Variants in CFAP74 observed in about 807,000 individuals in gnomAD.
CFAP74 encodes cilia and flagella associated protein 74.
CFAP74 carries 124 observed loss-of-function variants against 188.9 expected under a neutral mutation model. The ratio of observed to expected loss-of-function variants is 0.66; its 90% CI spans 0.57 to 0.76. CFAP74 has a LOEUF of 0.76. Among genes scored for constraint, CFAP74 ranks in the 30% least tolerant of loss-of-function variants. CFAP74 has a pLI of 0.00. For synonymous variants in CFAP74, 956 were observed against 916.7 expected, an observed-to-expected ratio of 1.04 and a Z score of -0.77; for missense variants, 2,198 against 2,165.2, an observed-to-expected ratio of 1.02 and a Z score of -0.30.
At chr1:1,947,097 G>C (rs1259800697) in intron 18 of CFAP74, 43 bp from the exon 19 acceptor site, 5 of 1,434,932 alleles carry the variant, frequency 3.5e-6, no homozygotes, top group Non-Finnish European at 4.7e-6. Context: ...TGGCAGGGTG[G>C]AGGCAGTGTG....
chr1:1,940,439 T>C (rs757222812), intron 22 of CFAP74, 36 bp from the exon 23 acceptor site: 8 of 1,412,280 alleles, frequency 5.7e-6, no homozygotes, highest in Non-Finnish European at 6.6e-6. Context: ...TGCTTTCCTC[T>C]TTCCATTTTG....
At chr1:1,953,566 G>C (rs1361829514) in intron 18 of CFAP74, 1 of 153,544 alleles carries the variant, frequency 6.5e-6, no homozygotes, top group Non-Finnish European at 1.5e-5. Context: ...CAAAGTTCTG[G>C]GATTACAGGC....
In CFAP74 at chr1:1,955,730, C is replaced by T; in HGVS notation, c.2137G>A (p.Glu713Lys). 3.1e-6 allele frequency: 5 copies of T among 1,614,182 alleles called. No homozygotes were observed. In the South Asian group the frequency reaches 5.5e-5, roughly 18 times the overall value. The change falls in exon 18 of 39, where the codon GAG becomes AAG. Residue 713 changes from glutamate (E) to lysine (K), a missense_variant. Coordinates refer to ENST00000682832, the MANE Select transcript of CFAP74 (RefSeq NM_001304360.2). ...QADMQSRKEL[E>K]KLDKEQEEEQ... ...TCCTCCTGCTCCTTGTCCAGCTTCTCCAGCTCCTTCCGGCTCTGCATGTCC... is the reference window on the plus strand; with the variant it reads ...TCCTCCTGCTCCTTGTCCAGCTTCTTCAGCTCCTTCCGGCTCTGCATGTCC...
intron 13 of CFAP74, among the ~76,000 whole-genome samples, chr1:1,964,311 C>T (rs961246396): frequency 1.2e-4 from 18 of 152,206 alleles, no homozygotes; most frequent in African/African-American, 2.7e-4. Flanking sequence ...ATCCCTGTCC[C>T]GAGGTTCAGG....
At chr1:1,958,621 T>C (rs1188695165) in intron 16 of CFAP74, among the ~76,000 whole-genome samples, 1 of 150,586 alleles carries the variant, frequency 6.6e-6, no homozygotes, top group East Asian at 1.9e-4. Context: ...ATTTTACTAA[T>C]GTACTTTGAA....
At chr1:1,958,969 T>C (rs1654865315) in intron 16 of CFAP74, 151 bp downstream of exon 16, 1 of 615,064 alleles carries the variant, frequency 1.6e-6, no homozygotes, top group Non-Finnish European at 2.9e-6. Context: ...TGAGCTGCTG[T>C]TGGAAGAAGG....
At position 1,994,577 on chromosome 1, in the gene CFAP74, T is replaced by A. The variant is rs567866380; in HGVS notation, c.-19-3602A>T. On this transcript the variant is annotated intron_variant, in intron 1 of 38. Transcript: ENST00000682832. ...AAGAACTGATTAAGCTGCTAGTCTT[T>A]GAATGGCAGGATTTTCAGAAACTAT... 5.4e-4 allele frequency among the ~76,000 whole-genome samples: 82 copies of A among 152,364 alleles called. 1 individual carries two copies. The South Asian group carries it at 6.8e-3, about 13-fold the overall frequency.
In CFAP74 at chr1:1,972,922, G is replaced by A. The variant is rs763046066; in HGVS notation, c.785+15C>T. 23 of 1,569,502 alleles carry A rather than the reference G, an allele frequency of 1.5e-5. No homozygotes were observed. Among genetic ancestry groups the A allele is most frequent in the East Asian group, 2.2e-5 (1 of 44,674 alleles). On this transcript the variant is annotated intron_variant, in intron 8 of 38. Coordinates refer to ENST00000682832, the MANE Select transcript of CFAP74 (RefSeq NM_001304360.2). The stretch of plus-strand genomic sequence containing the variant: ...TCTTGGGTTTCTCCTTAAGGACGTC[G>A]AAGGGAGGCCCTACCTTCCCAGGGA...
At chr1:1,941,973 G>A (rs141961083) in intron 22 of CFAP74, 55 bp downstream of exon 22, 306 of 1,416,938 alleles carry the variant, frequency 2.2e-4, no homozygotes, top group Non-Finnish European at 2.5e-4. Flanking sequence ...GGAGCGCCTC[G>A]GAGCCCACAA....
rs1019905865 is a variant in CFAP74 at position 1,926,890 on chromosome 1, G to A, written c.3662+4C>T. The stretch of plus-strand genomic sequence containing the variant: ...CACCCTGTTCTGGCCAGAGCACCCC[G>A]CACCTGAAGCTCAGGGGTTCTGACC... On this transcript the variant is annotated splice_donor_region_variant and intron_variant, in intron 29 of 38. Coordinates refer to ENST00000682832, the MANE Select transcript of CFAP74 (RefSeq NM_001304360.2). 2.6e-6 allele frequency: 4 copies of A among 1,549,956 alleles called. No homozygotes were observed. Among genetic ancestry groups the A allele is most frequent in the South Asian group, 1.2e-5 (1 of 84,064 alleles).
At chr1:1,976,751 C>T (rs574236664) in intron 6 of CFAP74, among the ~76,000 whole-genome samples, 2 of 152,146 alleles carry the variant, frequency 1.3e-5, no homozygotes, top group South Asian at 2.1e-4. Context: ...CCATGTTGGC[C>T]GGGCTGGTCT....
rs146717956 is a variant in CFAP74 at position 1,943,448 on chromosome 1, G to A, written c.2486+883C>T. Among the ~76,000 whole-genome samples the A allele has an allele frequency of 3.7e-3, 571 of 152,356 alleles. 6 individuals carry two copies. The highest frequency in any genetic ancestry group is 0.013 in the African/African-American group (540 of 41,576). ...CCCAGGTCACCGGGGAGAGGTGGCT[G>A]TGCCTGGGGCCGGTGCCCGGGGCCT... On this transcript the variant is annotated intron_variant, in intron 21 of 38. Coordinates refer to ENST00000682832, the MANE Select transcript of CFAP74 (RefSeq NM_001304360.2).
At position 1,970,779 on chromosome 1, in the gene CFAP74, T is replaced by C. The variant is rs773977492; in HGVS notation, c.926A>G (p.Lys309Arg). 2 of 1,614,162 alleles carry C rather than the reference T, an allele frequency of 1.2e-6. No homozygotes were observed. The highest frequency in any genetic ancestry group is 1.6e-4 in the Middle Eastern group (1 of 6,062). The change falls in exon 10 of 39, where the codon AAG becomes AGG. Residue 309 changes from lysine (K) to arginine (R), a missense_variant. Transcript: ENST00000682832. ...LRKFQAWDRA[K>R]AELAEQRVQA... ...GACCCTCTGCTCCGCCAGCTCTGCC[T>C]TGGCACGGTCCCATGCTTGGAACTT...
intron 12 of CFAP74, among the ~76,000 whole-genome samples, chr1:1,965,855 C>T (rs1192052305): frequency 6.6e-6 from 1 of 152,244 alleles, no homozygotes; most frequent in East Asian, 1.9e-4. Flanking sequence ...GGGCGGCGGG[C>T]ATTGCCCTCC....
At position 1,924,076 on chromosome 1, in the gene CFAP74, C is replaced by T. The variant is rs1283365292; in HGVS notation, c.4235-147G>A. ...GTCCCCCCAATGGCCTTGCGCCCCC[C>T]ACTCCTCCCATGGATCCAAGCGCCC... is the stretch of plus-strand genomic sequence containing the variant. On this transcript the variant is annotated intron_variant, in intron 34 of 38. Coordinates refer to ENST00000682832, the MANE Select transcript of CFAP74 (RefSeq NM_001304360.2). 2.8e-5 allele frequency: 19 copies of T among 673,140 alleles called. No individual in the cohort carries two copies. The African/African-American group carries it at 4.1e-4, about 14-fold the overall frequency. The allele number at this position is 673,140 out of a possible 1,614,324, so 41.7% of individuals were successfully genotyped here.
rs755066969 is a variant in CFAP74, at chr1:1,922,969, G to T, written c.4683+16C>A. On this transcript the variant is annotated intron_variant, in intron 37 of 38. Coordinates refer to ENST00000682832, the MANE Select transcript of CFAP74 (RefSeq NM_001304360.2). Reference sequence around the variant, plus strand: ...AGGGGGCTGCCTGGTGTCCCCAGGGGCAGTGCTGTGGGCACCTTCTTTGGA... The same window carrying T: ...AGGGGGCTGCCTGGTGTCCCCAGGGTCAGTGCTGTGGGCACCTTCTTTGGA... 6.4e-7 allele frequency: 1 copy of T among 1,563,274 alleles called. No individual in the cohort carries two copies. The highest frequency in any genetic ancestry group is 2.3e-5 in the East Asian group (1 of 44,436).
intron 8 of CFAP74, among the ~76,000 whole-genome samples, chr1:1,972,379 C>A (rs1025943841): frequency 6.6e-6 from 1 of 152,214 alleles, no homozygotes; most frequent in Non-Finnish European, 1.5e-5. Flanking sequence ...AAGGTGCTGG[C>A]GCAGAGGCCG....
Position 1,955,104 on chromosome 1 carries a change from C to A in CFAP74, c.2176+587G>T, listed in dbSNP as rs574587929. On this transcript the variant is annotated intron_variant, in intron 18 of 38. Transcript: ENST00000682832. Reference sequence around the variant, plus strand: ...GCGGCTCACACAGGCTGTGGAGAACCGGCCCAGCTCCGCGCTGAGCTGCAG... The same window carrying A: ...GCGGCTCACACAGGCTGTGGAGAACAGGCCCAGCTCCGCGCTGAGCTGCAG... The A allele has an allele frequency of 1.9e-5, 21 of 1,084,678 alleles. No individual in the cohort carries two copies. The African/African-American group carries it at 3.3e-4, about 17-fold the overall frequency. The allele number at this position is 1,084,678 out of a possible 1,614,324, so 67.2% of individuals were successfully genotyped here.
intron 15 of CFAP74, 151 bp downstream of exon 15, chr1:1,959,813 G>C (rs1654941366): frequency 4.7e-6 from 3 of 635,556 alleles, no homozygotes; most frequent in Non-Finnish European, 7.9e-6. Flanking sequence ...GTGTATTTTT[G>C]GAAGTAAAAT....
Sources: gnomAD v4.1 joint callset for allele counts (sites outside exome capture counted in the v4.1 genomes callset) on GRCh38, gnomAD v4.1.1 for gene constraint, MANE v1.5 for transcripts, NCBI Gene and HGNC (gene_info 2026-07-23, HGNC 2026-07-21) for gene names.